The following MSI2 variants were observed in gnomAD, a reference collection of about 807,000 sequenced individuals.
MSI2 encodes the protein RNA-binding protein Musashi homolog 2.
In MSI2, 17 loss-of-function variants were observed where a neutral mutation model predicts 45.6. The ratio of observed to expected loss-of-function variants is 0.37; its 90% CI spans 0.26 to 0.56. The LOEUF (loss-of-function observed/expected upper bound fraction) is 0.56, where lower values mean the gene tolerates loss of function less well. Among genes scored for constraint, MSI2 ranks in the 20% least tolerant of loss-of-function variants. MSI2 has a pLI of 0.77. For missense variants in MSI2, 293 were observed against 444.2 expected (o/e 0.66, Z 3.06); for synonymous variants, 156 against 158.2 (o/e 0.99, Z 0.11).
intron 6 of MSI2, among the ~76,000 whole-genome samples, chr17:57,488,301 G>A (rs926406937): frequency 1.1e-4 from 16 of 152,312 alleles, no homozygotes; most frequent in African/African-American, 3.4e-4. Context: ...CAGCATCTGC[G>A]GAAGCTTGCT....
chr17:57,547,010 A>AG (rs2087184403), intron 7 of MSI2, among the ~76,000 whole-genome samples: 1 of 152,182 alleles, frequency 6.6e-6, no homozygotes, highest in Admixed American at 6.5e-5. Context: ...GCTGTTGGCG[A>AG]GGGGGCCTGG....
intron 6 of MSI2, among the ~76,000 whole-genome samples, chr17:57,526,356 G>GGTGGGTGT (rs1555618737): frequency 1.6e-5 from 2 of 122,612 alleles, no homozygotes; most frequent in Non-Finnish European, 3.4e-5. Context: ...GATATACCTG[G>GGTGGGTGT]GTGTGTGTGT....
At chr17:57,472,249 G>C (rs529098043) in intron 6 of MSI2, among the ~76,000 whole-genome samples, 4 of 152,328 alleles carry the variant, frequency 2.6e-5, no homozygotes, top group African/African-American at 7.2e-5. Flanking sequence ...CTCAGAGTGA[G>C]AGCTGGTTCA....
chr17:57,318,824 A>G (rs1567754473), intron 5 of MSI2, among the ~76,000 whole-genome samples: 1 of 152,166 alleles, frequency 6.6e-6, no homozygotes, highest in African/African-American at 2.4e-5. Context: ...CTGCAGGAAC[A>G]TCTGTGCTCC....
intron 5 of MSI2, among the ~76,000 whole-genome samples, chr17:57,298,992 C>G (rs1383596238): frequency 6.6e-6 from 1 of 152,248 alleles, no homozygotes; most frequent in Non-Finnish European, 1.5e-5. Context: ...TTCTGGATAA[C>G]TTGCTGTGTA....
At chr17:57,261,967 C>T in intron 4 of MSI2, 184 bp from the exon 5 acceptor site, 1 of 601,772 alleles carries the variant, frequency 1.7e-6, no homozygotes, top group South Asian at 2.1e-5. Flanking sequence ...ATGTTAGTTA[C>T]CTGATCTGTT....
At chr17:57,482,076 C>T (rs760389724) in intron 6 of MSI2, among the ~76,000 whole-genome samples, 24 of 152,178 alleles carry the variant, frequency 1.6e-4, no homozygotes, top group Non-Finnish European at 2.2e-4. Flanking sequence ...TAATGCATTA[C>T]GTACAACCTT....
chr17:57,352,449 G>A (rs537926269), intron 5 of MSI2, among the ~76,000 whole-genome samples: 2 of 152,176 alleles, frequency 1.3e-5, no homozygotes, highest in Admixed American at 1.3e-4. Flanking sequence ...AGACCTTGGC[G>A]GAAAAGAGAA....
intron 6 of MSI2, among the ~76,000 whole-genome samples, chr17:57,447,018 G>A (rs1393608577): frequency 2.0e-5 from 3 of 152,174 alleles, no homozygotes; most frequent in Admixed American, 6.5e-5. Context: ...GAGATTGACC[G>A]TCACCCTTAA....
chr17:57,424,434 C>T (rs1368387446), intron 6 of MSI2, among the ~76,000 whole-genome samples: 1 of 152,228 alleles, frequency 6.6e-6, no homozygotes, highest in African/African-American at 2.4e-5. Context: ...ACAGAAGAGC[C>T]TGTGTCTGGC....
chr17:57,690,144 G>C, the MSI2 span, among the ~76,000 whole-genome samples: 1 of 84,484 alleles, frequency 1.2e-5, no homozygotes. Context: ...ACTTCGTATT[G>C]TTCAGTTTTT....
intron 4 of MSI2, among the ~76,000 whole-genome samples, chr17:57,258,800 G>A (rs1907050779): frequency 6.6e-6 from 1 of 152,188 alleles, no homozygotes; most frequent in African/African-American, 2.4e-5. Flanking sequence ...TACAGGTCCA[G>A]GCAACAGGTT....
chr17:57,511,928 A>G (rs1303011692), intron 6 of MSI2, among the ~76,000 whole-genome samples: 3 of 151,232 alleles, frequency 2.0e-5, no homozygotes, highest in African/African-American at 7.3e-5. Flanking sequence ...CTTACATTCC[A>G]CTCCAGACAC....
chr17:57,676,737 C>G (rs965279450), intron 12 of MSI2, among the ~76,000 whole-genome samples: 1 of 152,228 alleles, frequency 6.6e-6, no homozygotes, highest in Non-Finnish European at 1.5e-5. Flanking sequence ...CATCCACCCA[C>G]GCCTCTGAAT....
chr17:57,520,180 T>C (rs1331578094), intron 6 of MSI2, among the ~76,000 whole-genome samples: 1 of 152,236 alleles, frequency 6.6e-6, no homozygotes, highest in Non-Finnish European at 1.5e-5. Context: ...GTAGTTATTA[T>C]AACAATCATT....
chr17:57,499,457 A>G (rs1418234946), intron 6 of MSI2, among the ~76,000 whole-genome samples: 1 of 151,828 alleles, frequency 6.6e-6, no homozygotes, highest in East Asian at 1.9e-4. Flanking sequence ...ATGTTTTTCT[A>G]AAGACAAAAT....
chr17:57,632,771 A>G, intron 10 of MSI2: 3 of 1,065,876 alleles, frequency 2.8e-6, no homozygotes, highest in Non-Finnish European at 3.4e-6. Flanking sequence ...CTGTGCTGGT[A>G]GTTTGTGAGA....
At chr17:57,565,554 C>T (rs542179768) in intron 7 of MSI2, among the ~76,000 whole-genome samples, 7 of 152,310 alleles carry the variant, frequency 4.6e-5, no homozygotes, top group African/African-American at 1.7e-4. Context: ...TCCTTTTGTC[C>T]TGCTCCATCA....
intron 6 of MSI2, among the ~76,000 whole-genome samples, chr17:57,515,752 A>G (rs528612018): frequency 6.6e-6 from 1 of 152,254 alleles, no homozygotes; most frequent in African/African-American, 2.4e-5. Context: ...AGAAACAGAT[A>G]AGGGATAGAT....
Sources: allele counts gnomAD v4.1 joint callset (sites outside exome capture counted in the v4.1 genomes callset), GRCh38; gene constraint gnomAD v4.1.1; transcripts MANE v1.5; gene names NCBI Gene and HGNC (gene_info 2026-07-23, HGNC 2026-07-21).